Variants in CNIH3 observed in about 807,000 individuals in gnomAD.
CNIH3 encodes the protein cornichon family AMPA receptor auxiliary protein 3.
In CNIH3, 14 loss-of-function variants were observed where a neutral mutation model predicts 24.1. That is an observed-to-expected ratio of 0.58 (90% confidence interval 0.38 to 0.91). The LOEUF (loss-of-function observed/expected upper bound fraction) is 0.91. Ranked by LOEUF, CNIH3 falls within the 40% of genes least tolerant of loss-of-function variation. The pLI, the probability that CNIH3 is intolerant of heterozygous loss-of-function variation, is 0.00. For synonymous variants in CNIH3, 68 were observed against 73.8 expected, an observed-to-expected ratio of 0.92 and a Z score of 0.40; for missense variants, 178 against 196.8, an observed-to-expected ratio of 0.90 and a Z score of 0.57.
At chr1:224,681,213 ATGTTGC>A (rs1417735221) in intron 2 of CNIH3, among the ~76,000 whole-genome samples, 187 bp downstream of exon 2, 1 of 152,182 alleles carries the variant, frequency 6.6e-6, no homozygotes, top group African/African-American at 2.4e-5. Flanking sequence ...GTCTTGAGAT[ATGTTGC>A]AAATCAGATG....
intron 4 of CNIH3, among the ~76,000 whole-genome samples, chr1:224,568,629 C>T (rs115861894): frequency 0.02 from 3,117 of 152,092 alleles, 109 homozygotes; most frequent in African/African-American, 0.069. Flanking sequence ...TGGTGCACAC[C>T]TGCAGTCCCA....
At chr1:224,594,334 G>A (rs1017320807) in intron 3 of CNIH3, among the ~76,000 whole-genome samples, 2 of 152,146 alleles carry the variant, frequency 1.3e-5, no homozygotes, top group African/African-American at 4.8e-5. Flanking sequence ...AGCAAATGGA[G>A]GTTTAGGATT....
chr1:224,715,747 T>C (rs1233160021), intron 3 of CNIH3, among the ~76,000 whole-genome samples: 1 of 152,018 alleles, frequency 6.6e-6, no homozygotes, highest in Non-Finnish European at 1.5e-5. Flanking sequence ...CCAGCTCTCA[T>C]GGGAACTAAC....
chr1:224,518,504 T>C (rs930354296), intron 1 of CNIH3, among the ~76,000 whole-genome samples: 7 of 150,750 alleles, frequency 4.6e-5, no homozygotes, highest in Non-Finnish European at 4.4e-5. Context: ...TTGAAGCCTT[T>C]TTTTTTTTTT....
chr1:224,445,065 G>C (rs1205015582), intron 1 of CNIH3, among the ~76,000 whole-genome samples: 1 of 151,746 alleles, frequency 6.6e-6, no homozygotes, highest in Non-Finnish European at 1.5e-5. Context: ...CATCACCCAG[G>C]TCATGAAATA....
chr1:224,476,233 GCAAA>G (rs1284214801), intron 1 of CNIH3, among the ~76,000 whole-genome samples: 1 of 152,160 alleles, frequency 6.6e-6, no homozygotes, highest in Admixed American at 6.5e-5. Context: ...CCTAACTGGA[GCAAA>G]CAGACAAGAG....
chr1:224,574,977 T>C (rs1301958851), intron 4 of CNIH3: 2 of 879,870 alleles, frequency 2.3e-6, no homozygotes, highest in African/African-American at 3.3e-5. Flanking sequence ...AAAGTATAAG[T>C]AGGTGGTTAA....
At chr1:224,690,881 G>A (rs970025436) in intron 3 of CNIH3, among the ~76,000 whole-genome samples, 8 of 152,124 alleles carry the variant, frequency 5.3e-5, no homozygotes, top group Admixed American at 3.9e-4. Context: ...TATGACCACC[G>A]GTGCTCCCAC....
intron 1 of CNIH3, among the ~76,000 whole-genome samples, chr1:224,664,256 G>A (rs964051359): frequency 1.3e-5 from 2 of 152,098 alleles, no homozygotes; most frequent in Non-Finnish European, 2.9e-5. Flanking sequence ...CCTGAGGGTC[G>A]GTTTTCTGAG....
At chr1:224,510,101 C>T (rs928698277) in intron 1 of CNIH3, among the ~76,000 whole-genome samples, 9 of 152,158 alleles carry the variant, frequency 5.9e-5, no homozygotes, top group Non-Finnish European at 1.2e-4. Flanking sequence ...CTCATCCTGC[C>T]TTGTTTAAAC....
downstream of CNIH3, among the ~76,000 whole-genome samples, chr1:224,541,044 A>G (rs1316043413): frequency 2.0e-5 from 3 of 152,232 alleles, no homozygotes; most frequent in African/African-American, 7.2e-5. Flanking sequence ...TATTGATGCC[A>G]TATGATGTAT....
intron 1 of CNIH3, among the ~76,000 whole-genome samples, chr1:224,660,702 G>A (rs1037037537): frequency 9.2e-5 from 14 of 152,230 alleles, no homozygotes; most frequent in African/African-American, 3.1e-4. Context: ...TTTATATTAA[G>A]CCAGAAGTAT....
At chr1:224,538,342 G>A (rs1483671533), downstream of CNIH3, among the ~76,000 whole-genome samples, 1 of 152,142 alleles carries the variant, frequency 6.6e-6, no homozygotes, top group Non-Finnish European at 1.5e-5. Context: ...AGAGTCTCAG[G>A]AATGTGGTAG....
At chr1:224,463,012 C>T (rs1167694812) in intron 1 of CNIH3, among the ~76,000 whole-genome samples, 1 of 149,680 alleles carries the variant, frequency 6.7e-6, no homozygotes, top group Non-Finnish European at 1.5e-5. Context: ...GCAATTCTGC[C>T]TCAGCCTCCC....
At chr1:224,470,377 T>C (rs1236602487) in intron 1 of CNIH3, among the ~76,000 whole-genome samples, 1 of 150,014 alleles carries the variant, frequency 6.7e-6, no homozygotes, top group Non-Finnish European at 1.5e-5. Context: ...TGGAGTGCAG[T>C]GGCACGATCG....
At chr1:224,600,358 T>A (rs1340126192) in intron 3 of CNIH3, among the ~76,000 whole-genome samples, 2 of 152,046 alleles carry the variant, frequency 1.3e-5, no homozygotes, top group Non-Finnish European at 1.5e-5. Flanking sequence ...CCTGGCTAAT[T>A]TTTTTGTATT....
rs76795206 is a variant in CNIH3, at chr1:224,728,630, C to T, written c.199-1832C>T. Among the ~76,000 whole-genome samples, 30 of 152,244 alleles carry T rather than the reference C, an allele frequency of 2.0e-4. No individual in the cohort carries two copies. The East Asian group carries it at 5.4e-3, about 27-fold the overall frequency. ...TGCATGTCTTTATTTTTAATGTGTG[C>T]GTATGTGTTTCTCCCTCTGTGTCTG... is the stretch of plus-strand genomic sequence containing the variant. On this transcript the variant is annotated intron_variant, in intron 3 of 5. Coordinates refer to ENST00000272133, the MANE Select transcript of CNIH3 (RefSeq NM_152495.2).
chr1:224,638,910 C>T (rs1684222910), intron 1 of CNIH3, among the ~76,000 whole-genome samples: 1 of 152,132 alleles, frequency 6.6e-6, no homozygotes, highest in Non-Finnish European at 1.5e-5. Flanking sequence ...TCCATATTTC[C>T]AATTTCCTTC....
chr1:224,458,380 C>T lies in CNIH3; in HGVS notation n.203+23518C>T, dbSNP rs966512611. On this transcript the variant is annotated intron_variant and non_coding_transcript_variant, in intron 1 of 5. Transcript: ENST00000471578. The surrounding 1 kb of genome is among the most constrained non-coding windows in gnomAD (Gnocchi z 4.3). ...TGCTTAGCAGAGGGGCTCTGGCTCA[C>T]TCCCCGTCCCTCATCCTACCAGGTG... is the stretch of plus-strand genomic sequence containing the variant. Among the ~76,000 whole-genome samples the T allele has an allele frequency of 2.6e-5, 4 of 152,218 alleles. No individual in the cohort carries two copies. Among genetic ancestry groups the T allele is most frequent in the Admixed American group, 6.5e-5 (1 of 15,288 alleles).
Sources: allele counts gnomAD v4.1 joint callset (sites outside exome capture counted in the v4.1 genomes callset), GRCh38; gene constraint gnomAD v4.1.1; non-coding constraint Gnocchi (gnomAD v3.1); transcripts MANE v1.5; gene names NCBI Gene and HGNC (gene_info 2026-07-23, HGNC 2026-07-21).